The following ANLN variants were observed in gnomAD, a reference collection of about 807,000 sequenced individuals.
ANLN encodes the protein anillin, actin binding protein, also known as anillin.
In ANLN, 59 loss-of-function variants were observed where a neutral mutation model predicts 135.1. The observed-to-expected ratio is 0.44, with a 90% CI of 0.35 to 0.54. ANLN has a LOEUF of 0.54. Among genes scored for constraint, ANLN ranks in the 20% least tolerant of loss-of-function variants. The pLI, the probability that ANLN is intolerant of heterozygous loss-of-function variation, is 0.00. For missense variants in ANLN, 1,182 were observed against 1,340.0 expected (o/e 0.88, Z 1.84); for synonymous variants, 406 against 456.4 (o/e 0.89, Z 1.41).
chr7:36,439,037 G>C (rs1314910290), intron 20 of ANLN, among the ~76,000 whole-genome samples, 167 bp from the exon 21 acceptor site: 1 of 152,138 alleles, frequency 6.6e-6, no homozygotes, highest in Non-Finnish European at 1.5e-5. Flanking sequence ...AAAAGTATTT[G>C]TTGGTAAGGA....
intron 20 of ANLN, among the ~76,000 whole-genome samples, chr7:36,436,047 CTCTG>C (rs979375271): frequency 7.6e-4 from 116 of 151,968 alleles, no homozygotes; most frequent in Middle Eastern, 3.4e-3. Flanking sequence ...TTCAAAATAC[CTCTG>C]TCTAATTCGA....
chr7:36,401,851 A>G (rs1786965952), intron 3 of ANLN, among the ~76,000 whole-genome samples: 1 of 118,012 alleles, frequency 8.5e-6, no homozygotes, highest in African/African-American at 3.6e-5. Context: ...TTCCAGTGAC[A>G]TGCCCACCAG....
In ANLN at chr7:36,406,557, C is replaced by T. The variant is rs746653984; in HGVS notation, c.864C>T (p.Ser288=). 3 of 1,506,622 alleles carry T rather than the reference C, an allele frequency of 2.0e-6. No individual in the cohort carries two copies. The highest frequency in any genetic ancestry group is 8.9e-7 in the Non-Finnish European group (1 of 1,128,648). The allele number at this position is 1,506,622 out of a possible 1,614,324, so 93.3% of individuals were successfully genotyped here. A position where few individuals can be genotyped will look rare whatever the true frequency, so the allele number is the denominator to read the frequency against. The part of the protein sequence containing the change: ...DDASLVNASI[S]SSVKATSPVK... The stretch of plus-strand genomic sequence containing the variant: ...CGTCTTTGGTTAATGCCTCAATTTC[C>T]AGCTCTGTGGTAAGTCAGTATCATT... Residue 288 remains serine, a synonymous_variant, in exon 4 of 24, where the codon TCC becomes TCT. Transcript: ENST00000265748.
intron 8 of ANLN, 43 bp from the exon 9 acceptor site, chr7:36,417,037 G>C (rs1165274128): frequency 1.2e-5 from 12 of 1,024,104 alleles, no homozygotes; most frequent in Non-Finnish European, 1.4e-5. Context: ...GAAAATTATA[G>C]GTTCTTATAT....
rs1787188428 is a variant in ANLN, at chr7:36,406,354, G to T, written c.661G>T (p.Ala221Ser). Reference protein sequence around the residue: ...SWEDDVNHSFAKQNSVQEQPG... With the variant: ...SWEDDVNHSFSKQNSVQEQPG... The stretch of plus-strand genomic sequence containing the variant: ...GGAAGATGATGTAAATCACTCATTT[G>T]CAAAACAAAACAGTGTACAAGAACA... The change falls in exon 4 of 24, where the codon GCA becomes TCA. Residue 221 changes from alanine to serine, a missense_variant. Physicochemically the swap from Ala to Ser is moderately conservative, Grantham distance 99. This residue lies in a region of ANLN where 1,022 missense variants were observed against 1,134.0 expected (regional missense o/e 0.90). Transcript: ENST00000265748. The T allele has an allele frequency of 6.2e-7, 1 of 1,613,964 alleles. No homozygotes were observed. Among genetic ancestry groups the T allele is most frequent in the African/African-American group, 1.3e-5 (1 of 74,920 alleles).
chr7:36,412,595 A>G (rs889745835), intron 7 of ANLN, among the ~76,000 whole-genome samples: 1 of 151,992 alleles, frequency 6.6e-6, no homozygotes, highest in African/African-American at 2.4e-5. Context: ...CTCAAAGTGC[A>G]GGGATTACAG....
chr7:36,428,457 T>G, intron 20 of ANLN: 2 of 605,610 alleles, frequency 3.3e-6, no homozygotes, highest in South Asian at 3.5e-5. Flanking sequence ...TCTTTTTGTT[T>G]ACTTTGAATA....
At chr7:36,431,606 T>C (rs1788328700) in intron 20 of ANLN, among the ~76,000 whole-genome samples, 1 of 52,774 alleles carries the variant, frequency 1.9e-5, no homozygotes, top group Non-Finnish European at 4.1e-5. Context: ...TGTATATATA[T>C]ATATATATAT....
chr7:36,425,293 CTT>C lies in ANLN; in HGVS notation c.2710-391_2710-390del, dbSNP rs1221400271. Among the ~76,000 whole-genome samples, 55 of 123,576 alleles carry C rather than the reference CTT, an allele frequency of 4.5e-4. 1 individual carries two copies. The highest frequency in any genetic ancestry group is 1.2e-3 in the African/African-American group (40 of 33,226). The allele number at this position is 123,576 out of a possible 152,430, so 81.1% of individuals were successfully genotyped here. On this transcript the variant is annotated intron_variant, in intron 17 of 23. Transcript: ENST00000265748. Reference sequence around the variant, plus strand: ...ATGTATTCATATTTAAGAACTCATTCTTTTTTTTTTTTTTTTTTTGAGACGGA... The same window carrying C: ...ATGTATTCATATTTAAGAACTCATTCTTTTTTTTTTTTTTTTTGAGACGGA...
chr7:36,390,840 CA>C (rs71553063), intron 1 of ANLN, among the ~76,000 whole-genome samples: 62,975 of 151,966 alleles, frequency 0.41, 13,566 homozygotes, highest in African/African-American at 0.51. Flanking sequence ...TGTGCGTTGT[CA>C]CATTCAGGAG....
intron 19 of ANLN, among the ~76,000 whole-genome samples, chr7:36,426,393 G>A (rs1317417196): frequency 6.6e-6 from 1 of 152,180 alleles, no homozygotes; most frequent in Admixed American, 6.5e-5. Context: ...GTTGTATCAT[G>A]TCAGAAATGC....
intron 3 of ANLN, among the ~76,000 whole-genome samples, chr7:36,405,329 C>G (rs1399012163): frequency 6.6e-6 from 1 of 152,138 alleles, no homozygotes; most frequent in Non-Finnish European, 1.5e-5. Context: ...CAGAATGTAT[C>G]CCCATTGTTA....
At chr7:36,448,252 G>A (rs191907399) in intron 22 of ANLN, among the ~76,000 whole-genome samples, 3 of 152,098 alleles carry the variant, frequency 2.0e-5, no homozygotes, top group Non-Finnish European at 4.4e-5. Context: ...GAGCTCAAAG[G>A]TATCCGCCTG....
chr7:36,423,190 G>A (rs750437663), intron 14 of ANLN, among the ~76,000 whole-genome samples: 19 of 152,058 alleles, frequency 1.2e-4, no homozygotes, highest in Non-Finnish European at 2.5e-4. Flanking sequence ...TTCTTTTTGA[G>A]GGGAAGGAGG....
intron 17 of ANLN, among the ~76,000 whole-genome samples, chr7:36,425,382 C>T (rs1159934212): frequency 6.6e-6 from 1 of 151,076 alleles, no homozygotes; most frequent in East Asian, 2.0e-4. Context: ...GCAACCTCCA[C>T]CTCCCAGGTT....
In ANLN at chr7:36,389,952, T is replaced by A; in HGVS notation, c.-75T>A. ...TCCTGGTTTTTTCCAGGAGACACAC[T>A]GAGCTGAGACTCACTTTTCTCTTCC... On this transcript the variant is annotated 5_prime_UTR_variant, in exon 1 of 24. Coordinates refer to ENST00000265748, the MANE Select transcript of ANLN (RefSeq NM_018685.5). 6.2e-7 allele frequency: 1 copy of A among 1,613,018 alleles called. No individual in the cohort carries two copies. The highest frequency in any genetic ancestry group is 8.5e-7 in the Non-Finnish European group (1 of 1,179,068).
intron 17 of ANLN, among the ~76,000 whole-genome samples, chr7:36,425,318 G>T (rs1178368799): frequency 1.5e-5 from 2 of 133,946 alleles, no homozygotes; most frequent in Admixed American, 1.7e-4. Flanking sequence ...TTTTTGAGAC[G>T]GAGTCTCGCT....
intron 13 of ANLN, 91 bp downstream of exon 13, chr7:36,422,083 G>C (rs1456904126): frequency 1.4e-6 from 2 of 1,417,978 alleles, no homozygotes; most frequent in South Asian, 1.5e-5. Flanking sequence ...TTAGAGAAAG[G>C]GCTTTTCCTA....
At chr7:36,414,182 C>T (rs1031003284) in intron 7 of ANLN, among the ~76,000 whole-genome samples, 3 of 152,036 alleles carry the variant, frequency 2.0e-5, no homozygotes, top group African/African-American at 4.8e-5. Context: ...GGTGCTGTGT[C>T]GAGGAGGGAA....
Sources: gnomAD v4.1 joint callset for allele counts (sites outside exome capture counted in the v4.1 genomes callset) on GRCh38, gnomAD v4.1.1 for gene constraint, gnomAD v4.1.1 regional missense constraint, MANE v1.5 for transcripts, NCBI Gene and HGNC (gene_info 2026-07-23, HGNC 2026-07-21) for gene names.